The following TRPM1 variants were observed in gnomAD, a reference collection of about 807,000 sequenced individuals.
TRPM1 encodes the protein TRPM1-203 APA Isoform, Intron 10.
A neutral mutation model predicts 149.4 loss-of-function variants in TRPM1; 113 were observed. That is an observed-to-expected ratio of 0.76 (90% CI 0.65 to 0.88). The LOEUF (loss-of-function observed/expected upper bound fraction) is 0.88. Among genes scored for constraint, TRPM1 ranks in the 40% least tolerant of loss-of-function variants. TRPM1 has a pLI of 0.00. For missense variants in TRPM1, 1,976 were observed against 2,038.7 expected (o/e 0.97, Z 0.59); for synonymous variants, 741 against 759.5 (o/e 0.98, Z 0.40).
chr15:31,049,209 A>G (rs2033866062), intron 13 of TRPM1, among the ~76,000 whole-genome samples, 166 bp downstream of exon 13: 2 of 152,190 alleles, frequency 1.3e-5, no homozygotes, highest in South Asian at 4.1e-4. Flanking sequence ...TGAGAATATG[A>G]ACACAGGCTG....
intron 1 of TRPM1, among the ~76,000 whole-genome samples, chr15:31,127,676 G>A (rs1417386282): frequency 6.6e-6 from 1 of 152,148 alleles, no homozygotes; most frequent in East Asian, 1.9e-4. Flanking sequence ...ATACTTGGGT[G>A]GGACAGGGTG....
At chr15:31,036,503 C>T (rs1023715991) in intron 20 of TRPM1, among the ~76,000 whole-genome samples, 6 of 152,122 alleles carry the variant, frequency 3.9e-5, no homozygotes, top group African/African-American at 1.4e-4. Context: ...CAGGCCCCAC[C>T]CCAAGATCCA....
At chr15:31,066,812 T>C (rs562512694) in intron 6 of TRPM1, among the ~76,000 whole-genome samples, 2 of 152,042 alleles carry the variant, frequency 1.3e-5, no homozygotes, top group East Asian at 3.9e-4. Flanking sequence ...AGGAGTGAGG[T>C]ATATGTATAT....
intron 17 of TRPM1, among the ~76,000 whole-genome samples, chr15:31,041,621 G>A (rs898291141): frequency 9.2e-5 from 14 of 152,156 alleles, no homozygotes; most frequent in Non-Finnish European, 1.8e-4. Context: ...CAGGGCACAG[G>A]CTCATTAATG....
chr15:31,132,077 G>C (rs2036023517), intron 1 of TRPM1, among the ~76,000 whole-genome samples: 1 of 152,188 alleles, frequency 6.6e-6, no homozygotes. Context: ...ACAGCCAGCT[G>C]TTACGCCGTG....
At chr15:31,135,294 C>T (rs1203568303) in intron 1 of TRPM1, among the ~76,000 whole-genome samples, 1 of 152,016 alleles carries the variant, frequency 6.6e-6, no homozygotes, top group Non-Finnish European at 1.5e-5. Flanking sequence ...CCACCATAGC[C>T]AATATGGGCT....
At chr15:31,129,804 A>G (rs570909907) in intron 1 of TRPM1, among the ~76,000 whole-genome samples, 1 of 152,350 alleles carries the variant, frequency 6.6e-6, no homozygotes, top group Admixed American at 6.5e-5. Flanking sequence ...AACACTGGAC[A>G]GTGAGTGAAA....
chr15:31,054,737 C>G (rs751598612), intron 11 of TRPM1, among the ~76,000 whole-genome samples: 7 of 152,048 alleles, frequency 4.6e-5, no homozygotes, highest in African/African-American at 1.7e-4. Flanking sequence ...CATTGTGGAA[C>G]GATGAAGCTA....
chr15:31,106,112 C>T (rs2035602578), upstream of TRPM1, among the ~76,000 whole-genome samples: 1 of 151,432 alleles, frequency 6.6e-6, no homozygotes, highest in Admixed American at 6.6e-5. Context: ...CCTCATTCTT[C>T]TTTCCCCACA....
rs1250513789 is a variant in TRPM1 at position 31,050,413 on chromosome 15, T to G, written c.1433A>C (p.Asn478Thr). The change falls in exon 12 of 28, where the codon AAC becomes ACC. Residue 478 changes from asparagine to threonine, a missense_variant. Physicochemically the swap from Asn to Thr is moderately conservative, Grantham distance 65. Coordinates refer to ENST00000256552, the MANE Select transcript of TRPM1 (RefSeq NM_001252024.2). ...ETDPRKIELL[N>T]WVNALEQAML... ...TCTCTGTGACCTTCCACATACCCAGTTCAGCAGCTCTATCTTCCGGGGGTC... is the reference window on the plus strand; with the variant it reads ...TCTCTGTGACCTTCCACATACCCAGGTCAGCAGCTCTATCTTCCGGGGGTC... The G allele has an allele frequency of 6.2e-7, 1 of 1,613,990 alleles. No homozygotes were observed. Among genetic ancestry groups the G allele is most frequent in the African/African-American group, 1.3e-5 (1 of 74,900 alleles).
At position 31,060,515 on chromosome 15, in the gene TRPM1, T is replaced by C. The variant is rs1480080320; in HGVS notation, c.1263+29A>G. On this transcript the variant is annotated intron_variant, in intron 11 of 27. Transcript: ENST00000256552. ...GTCACTTGTACAAAGTCAAGATCAA[T>C]GATATGAATCGAAAAAAAACAGTTT... 3 of 1,575,944 alleles carry C rather than the reference T, an allele frequency of 1.9e-6. No individual in the cohort carries two copies. The African/African-American group carries it at 4.0e-5, about 21-fold the overall frequency.
intron 13 of TRPM1, among the ~76,000 whole-genome samples, chr15:31,048,979 G>A (rs2033859777): frequency 6.6e-6 from 1 of 152,200 alleles, no homozygotes; most frequent in Non-Finnish European, 1.5e-5. Context: ...GCTCCTGGGT[G>A]TGAAACTTAG....
At chr15:31,029,534 T>C in intron 23 of TRPM1, 143 bp from the exon 24 acceptor site, 1 of 816,978 alleles carries the variant, frequency 1.2e-6, no homozygotes, top group East Asian at 2.7e-5. Context: ...ATGCAAATAT[T>C]TTAAGCTTGG....
At position 31,042,158 on chromosome 15, in the gene TRPM1, A is replaced by T; in HGVS notation, c.1880T>A (p.Val627Glu). Residue 627 changes from valine to glutamate, a missense_variant, in exon 17 of 28, where the codon GTG (valine) becomes GAG (glutamate). By Grantham distance (121) the Val-to-Glu change is moderately radical. Around this residue, in one of 3 missense-constraint regions of TRPM1, gnomAD observed 1,332 missense variants for 1,347.1 expected, o/e 0.99. Coordinates refer to ENST00000256552, the MANE Select transcript of TRPM1 (RefSeq NM_001252024.2). ...GTGGAAGGGATACTGGAACCGACTC[A>T]CGGCAGGGTCGTCCACATCAATGTC... The part of the protein sequence containing the change: ...EIDIDVDDPA[V>E]SRFQYPFHEL... 6.2e-7 allele frequency: 1 copy of T among 1,614,146 alleles called. No homozygotes were observed. The highest frequency in any genetic ancestry group is 8.5e-7 in the Non-Finnish European group (1 of 1,180,010).
chr15:31,079,262 T>G (rs1021305155), intron 2 of TRPM1, among the ~76,000 whole-genome samples: 1 of 152,172 alleles, frequency 6.6e-6, no homozygotes, highest in Non-Finnish European at 1.5e-5. Context: ...TAACAAACAA[T>G]TATTATCTCC....
chr15:31,081,065 C>A (rs981432810), intron 2 of TRPM1, among the ~76,000 whole-genome samples: 1 of 152,170 alleles, frequency 6.6e-6, no homozygotes, highest in African/African-American at 2.4e-5. Context: ...TGTCCCCCCC[C>A]TTATCGTGCC....
Sources: allele counts gnomAD v4.1 joint callset (sites outside exome capture counted in the v4.1 genomes callset), GRCh38; gene constraint gnomAD v4.1.1; regional missense constraint gnomAD v4.1.1; transcripts MANE v1.5; gene names NCBI Gene and HGNC (gene_info 2026-07-23, HGNC 2026-07-21).